The following ARMC5 variants were observed in gnomAD, a reference collection of about 807,000 sequenced individuals.
ARMC5 encodes the protein armadillo repeat containing 5.
A neutral mutation model predicts 60.5 loss-of-function variants in ARMC5; 28 were observed. The ratio of observed to expected loss-of-function variants is 0.46; its 90% CI spans 0.34 to 0.63. ARMC5 has a LOEUF of 0.63. Among genes scored for constraint, ARMC5 ranks in the 30% least tolerant of loss-of-function variants. ARMC5 has a pLI of 0.01. For synonymous variants in ARMC5, 680 were observed against 607.3 expected, an observed-to-expected ratio of 1.12 and a Z score of -1.76; for missense variants, 1,189 against 1,304.9, an observed-to-expected ratio of 0.91 and a Z score of 1.37.
At chr16:31,460,184 G>A (rs995367854) in intron 1 of ARMC5, 185 bp downstream of exon 1, 2 of 603,448 alleles carry the variant, frequency 3.3e-6, no homozygotes, top group Non-Finnish European at 5.5e-6. Context: ...ATGAGAGAGA[G>A]CCCTCCCAGA....
chr16:31,463,617 A>G lies in ARMC5; in HGVS notation c.1370+700A>G, dbSNP rs545437124. On this transcript the variant is annotated intron_variant, in intron 3 of 5. Transcript: ENST00000268314. ...CGTTGGGGATCTCGCTTTGTTGCCC[A>G]GGCTGGTCTTGAACTCTTGGCTTCC... Among the ~76,000 whole-genome samples, 113 of 152,184 alleles carry G rather than the reference A, an allele frequency of 7.4e-4. 2 individuals carry two copies. The highest frequency in any genetic ancestry group is 3.4e-3 in the Middle Eastern group (1 of 294).
chr16:31,463,740 C>T (rs1224156685), intron 3 of ARMC5, among the ~76,000 whole-genome samples: 4 of 151,964 alleles, frequency 2.6e-5, no homozygotes, highest in Non-Finnish European at 4.4e-5. Context: ...TTATTTTCTC[C>T]ATGACCCCTG....
At chr16:31,460,502 G>A (rs550466289) in intron 1 of ARMC5, among the ~76,000 whole-genome samples, 7 of 152,308 alleles carry the variant, frequency 4.6e-5, no homozygotes, top group Admixed American at 2.0e-4. Flanking sequence ...TCAGAGTGGG[G>A]AGAAAACGAA....
Position 31,464,761 on chromosome 16 carries a change from C to T in ARMC5, c.1738C>T (p.Leu580Phe). 1 of 1,599,314 alleles carries T rather than the reference C, an allele frequency of 6.3e-7. No homozygotes were observed. The change falls in exon 4 of 6, where the codon CTC becomes TTC. Residue 580 changes from leucine to phenylalanine, a missense_variant. This residue lies in a region of ARMC5 where 862 missense variants were observed against 1,071.2 expected (regional missense o/e 0.80). Coordinates refer to ENST00000268314, the MANE Select transcript of ARMC5 (RefSeq NM_001105247.2). This position sits in a 1 kb window ranked among gnomAD's most constrained non-coding sequence, Gnocchi z 7.6. ...LSRLTCNPACLEAFVRSYGAA... is the reference protein window; with the variant it reads ...LSRLTCNPACFEAFVRSYGAA... ...ACGCCTCACCTGCAACCCTGCCTGCCTCGAGGCCTTCGTGCGCAGCTATGG... is the reference window on the plus strand; with the variant it reads ...ACGCCTCACCTGCAACCCTGCCTGCTTCGAGGCCTTCGTGCGCAGCTATGG...
Position 31,461,963 on chromosome 16 carries a change from C to T in ARMC5, c.517C>T (p.Arg173Ter), listed in dbSNP as rs2082307406. 14 of 1,614,082 alleles carry T rather than the reference C, an allele frequency of 8.7e-6. No individual in the cohort carries two copies. The highest frequency in any genetic ancestry group is 3.3e-5 in the South Asian group (3 of 91,086). Reference protein sequence around the residue: ...QCMKTDSIQNRTARALGNLAM... With the variant: ...QCMKTDSIQN ...CATGAAGACAGACAGCATCCAGAACCGAACGGCCCGTGCCCTGGGGAACTT... is the reference window on the plus strand; with the variant it reads ...CATGAAGACAGACAGCATCCAGAACTGAACGGCCCGTGCCCTGGGGAACTT... Residue 173 changes from arginine (R) to a stop codon, truncating the protein, a stop_gained, in exon 2 of 6, where the codon CGA (arginine) becomes TGA (stop). Transcript: ENST00000268314. LOFTEE classifies it high-confidence loss of function.
rs2082306194 is a variant in ARMC5, at chr16:31,461,870, T to A, written c.476-52T>A. On this transcript the variant is annotated intron_variant, in intron 1 of 5. Transcript: ENST00000268314. ...CAGGCCACATTCTCCAGGTTATTGA[T>A]GTGAGAGACAGTAAGGGGTAGAACC... 7 of 1,517,032 alleles carry A rather than the reference T, an allele frequency of 4.6e-6. 1 individual carries two copies. The South Asian group carries it at 7.9e-5, about 17-fold the overall frequency. 94.0% of individuals were successfully genotyped at this position (1,517,032 alleles called of 1,614,324 possible).
Position 31,466,220 on chromosome 16 carries a change from T to G in ARMC5, c.2139T>G (p.Ser713=). The change falls in exon 6 of 6, where the codon TCT becomes TCG. Residue 713 remains serine (S), a synonymous_variant. Transcript: ENST00000268314. The surrounding 1 kb of genome is among the most constrained non-coding windows in gnomAD (Gnocchi z 8.0). The stretch of plus-strand genomic sequence containing the variant: ...TTTCCTGCCTCCAAGACCTGGTGTC[T>G]CCCACTGTGAGCCCAGCTGTCCCAC... ...DSLSCLQDLV[S]PTVSPAVPQA... The G allele has an allele frequency of 6.2e-7, 1 of 1,613,556 alleles. No homozygotes were observed. Among genetic ancestry groups the G allele is most frequent in the Non-Finnish European group, 8.5e-7 (1 of 1,179,876 alleles).
At chr16:31,460,147 C>G in intron 1 of ARMC5, 148 bp downstream of exon 1, 1 of 836,842 alleles carries the variant, frequency 1.2e-6, no homozygotes. Context: ...TCTGTTGTGC[C>G]CCGTGACGTC....
At position 31,459,964 on chromosome 16, in the gene ARMC5, C is replaced by T. The variant is rs753906161; in HGVS notation, c.440C>T (p.Thr147Ile). 3.1e-6 allele frequency: 5 copies of T among 1,601,288 alleles called. No homozygotes were observed. Among genetic ancestry groups the T allele is most frequent in the Non-Finnish European group, 1.7e-6 (2 of 1,179,238 alleles). The part of the protein sequence containing the change: ...ADCCTEGACR[T>I]EVRRLGGILP... ...TGCTGTACGGAAGGGGCGTGCCGGA[C>T]CGAAGTGCGCAGACTCGGAGGCATA... The change falls in exon 1 of 6, where the codon ACC becomes ATC. Residue 147 changes from threonine to isoleucine, a missense_variant. Thr to Ile is a moderately conservative substitution (Grantham distance 89, BLOSUM62 -1). Around this residue, in one of 2 missense-constraint regions of ARMC5, gnomAD observed 327 missense variants for 233.7 expected, o/e 1.40. Coordinates refer to ENST00000268314, the MANE Select transcript of ARMC5 (RefSeq NM_001105247.2).
upstream of ARMC5, chr16:31,459,212 G>C: frequency 1.3e-6 from 2 of 1,531,858 alleles, no homozygotes; most frequent in South Asian, 2.4e-5. Flanking sequence ...GGGCTGTTCG[G>C]AGGCCCTGGC....
At chr16:31,459,286 G>T, upstream of ARMC5, 1 of 1,534,546 alleles carries the variant, frequency 6.5e-7, no homozygotes, top group Non-Finnish European at 8.7e-7. Flanking sequence ...AGCTCGACGC[G>T]GACCACATCT....
Position 31,464,289 on chromosome 16 carries a change from CT to C in ARMC5, c.1371-102del. 46 of 882,188 alleles carry C rather than the reference CT, an allele frequency of 5.2e-5. No individual in the cohort carries two copies. The highest frequency in any genetic ancestry group is 1.2e-4 in the South Asian group (5 of 40,930). The allele number at this position is 882,188 out of a possible 1,614,324, so 54.6% of individuals were successfully genotyped here. A position where few individuals can be genotyped will look rare whatever the true frequency, so the allele number is the denominator to read the frequency against. On this transcript the variant is annotated intron_variant, in intron 3 of 5. Transcript: ENST00000268314. The surrounding 1 kb of genome is among the most constrained non-coding windows in gnomAD (Gnocchi z 7.6). ...TGGGCTATAGAGGGATACCACATTT[CT>C]TTAAAAAAAAAAAAAAAAAAAAAAA...
chr16:31,462,477 C>T lies in ARMC5; in HGVS notation c.930C>T (p.Ala310=). The change falls in exon 3 of 6, where the codon GCC becomes GCT. Residue 310 remains alanine (A), a synonymous_variant. Coordinates refer to ENST00000268314, the MANE Select transcript of ARMC5 (RefSeq NM_001105247.2). This position sits in a 1 kb window ranked among gnomAD's most constrained non-coding sequence, Gnocchi z 7.2. Reference sequence around the variant, plus strand: ...TTCTGATCCTCGCCAACCTGTGTGCCCAGGGCCTGATTCGGCCTGCACTGG... The same window carrying T: ...TTCTGATCCTCGCCAACCTGTGTGCTCAGGGCCTGATTCGGCCTGCACTGG... ...GTILILANLC[A]QGLIRPALGN... 6.2e-7 allele frequency: 1 copy of T among 1,612,478 alleles called. No individual in the cohort carries two copies. The highest frequency in any genetic ancestry group is 8.5e-7 in the Non-Finnish European group (1 of 1,179,814).
intron 1 of ARMC5, among the ~76,000 whole-genome samples, chr16:31,460,862 T>C (rs1295361341): frequency 6.6e-6 from 1 of 152,212 alleles, no homozygotes; most frequent in East Asian, 1.9e-4. Flanking sequence ...ACCAGCTAAA[T>C]TGGTGCCTCC....
rs1342280056 is a variant in ARMC5 at position 31,459,913 on chromosome 16, A to G, written c.389A>G (p.Asp130Gly). Residue 130 changes from aspartate (D) to glycine (G), a missense_variant, in exon 1 of 6, where the codon GAC becomes GGC. Asp to Gly is a moderately conservative substitution (Grantham distance 94). Around this residue, in one of 2 missense-constraint regions of ARMC5, gnomAD observed 327 missense variants for 233.7 expected, o/e 1.40. Transcript: ENST00000268314. ...TPPVRLRKTL[D>G]LALSILADCC... is the part of the protein sequence containing the mutation. The stretch of plus-strand genomic sequence containing the variant: ...CCAGTGCGCCTGCGCAAGACGCTGG[A>G]CTTGGCGCTCAGCATCCTAGCCGAT... 3 of 1,606,234 alleles carry G rather than the reference A, an allele frequency of 1.9e-6. No individual in the cohort carries two copies. The highest frequency in any genetic ancestry group is 2.5e-6 in the Non-Finnish European group (3 of 1,179,842).
In ARMC5 at chr16:31,464,301, A is replaced by T. The variant is rs1467386313; in HGVS notation, c.1371-93A>T. 2 of 988,776 alleles carry T rather than the reference A, an allele frequency of 2.0e-6. No individual in the cohort carries two copies. Among genetic ancestry groups the T allele is most frequent in the African/African-American group, 4.4e-5 (2 of 45,342 alleles). 61.3% of individuals were successfully genotyped at this position (988,776 alleles called of 1,614,324 possible). ...GGATACCACATTTCTTTAAAAAAAAAAAAAAAAAAAAAAAAGACGCCTCAC... is the reference window on the plus strand; with the variant it reads ...GGATACCACATTTCTTTAAAAAAAATAAAAAAAAAAAAAAAGACGCCTCAC... On this transcript the variant is annotated intron_variant, in intron 3 of 5. Transcript: ENST00000268314. The surrounding 1 kb of genome is among the most constrained non-coding windows in gnomAD (Gnocchi z 7.6).
upstream of ARMC5, chr16:31,458,942 C>T (rs758465644): frequency 1.3e-5 from 20 of 1,535,640 alleles, 2 homozygotes; most frequent in South Asian, 2.4e-4. Flanking sequence ...ATTCCACAAG[C>T]CCGTCACTCT....
chr16:31,458,518 G>A (rs1168851204), upstream of ARMC5: 11 of 1,534,690 alleles, frequency 7.2e-6, no homozygotes, highest in Non-Finnish European at 8.7e-6. Context: ...CTTGTCACCA[G>A]AGGGGCTGCC....
rs2082368126 is a variant in ARMC5 at position 31,467,092 on chromosome 16, A to G, written c.*203A>G. ...TTCTGGGTGTAGGGCCCAGAGAAGC[A>G]GAACAGCCCAGAGCCCCAGGTGCCT... is the stretch of plus-strand genomic sequence containing the variant. On this transcript the variant is annotated 3_prime_UTR_variant, in exon 6 of 6. Coordinates refer to ENST00000268314, the MANE Select transcript of ARMC5 (RefSeq NM_001105247.2). 1 of 590,434 alleles carries G rather than the reference A, an allele frequency of 1.7e-6. No homozygotes were observed. Among genetic ancestry groups the G allele is most frequent in the East Asian group, 3.2e-5 (1 of 30,846 alleles). The allele number at this position is 590,434 out of a possible 1,614,324, so 36.6% of individuals were successfully genotyped here. A position where few individuals can be genotyped will look rare whatever the true frequency, so the allele number is the denominator to read the frequency against.
Sources: allele counts gnomAD v4.1 joint callset (sites outside exome capture counted in the v4.1 genomes callset), GRCh38; gene constraint gnomAD v4.1.1; regional missense constraint gnomAD v4.1.1; non-coding constraint Gnocchi (gnomAD v3.1); transcripts MANE v1.5; gene names NCBI Gene and HGNC (gene_info 2026-07-23, HGNC 2026-07-21).